TCF7: variants seen among roughly 807,000 people sequenced by gnomAD.
TCF7 encodes the protein T-cell-factor-7.
TCF7 carries 19 observed loss-of-function variants against 46.8 expected under a neutral mutation model. That is an observed-to-expected ratio of 0.41 (90% CI 0.28 to 0.60). TCF7 has a LOEUF of 0.60. Among genes scored for constraint, TCF7 ranks in the 20% least tolerant of loss-of-function variants. TCF7 has a pLI of 0.35. For synonymous variants in TCF7, 245 were observed against 213.4 expected (o/e 1.15, Z -1.29); for missense variants, 547 against 504.6 (o/e 1.08, Z -0.81).
At chr5:134,113,997 T>C (rs1456451937), upstream of TCF7, among the ~76,000 whole-genome samples, 2 of 152,154 alleles carry the variant, frequency 1.3e-5, no homozygotes, top group African/African-American at 4.8e-5. Context: ...ACTTGGAGGA[T>C]CGGCTGAGGT....
chr5:134,145,375 TACCAAAGGGC>T, intron 9 of TCF7: 1 of 549,772 alleles, frequency 1.8e-6, no homozygotes, highest in Non-Finnish European at 3.6e-6. Context: ...TACCTACTGA[TACCAAAGGGC>T]TGGAGAGGCT....
At chr5:134,110,724 C>T (rs1233265852), upstream of TCF7, among the ~76,000 whole-genome samples, 1 of 152,232 alleles carries the variant, frequency 6.6e-6, no homozygotes, top group Non-Finnish European at 1.5e-5. Flanking sequence ...CACAACCTCT[C>T]CTTGCTGTAA....
rs1760767873 is a variant in TCF7, at chr5:134,146,777, C to T, written c.*474C>T. The stretch of plus-strand genomic sequence containing the variant: ...GTACCTATGGCTGCCTGCATCTATT[C>T]TTTGTACCATCTGTCTTGCCAGCCA... On this transcript the variant is annotated 3_prime_UTR_variant, in exon 10 of 10. Coordinates refer to ENST00000342854, the MANE Select transcript of TCF7 (RefSeq NM_003202.5). 5 of 525,822 alleles carry T rather than the reference C, an allele frequency of 9.5e-6. No homozygotes were observed. In the East Asian group the frequency reaches 1.7e-4, roughly 18 times the overall value. The allele number at this position is 525,822 out of a possible 1,614,324, so 32.6% of individuals were successfully genotyped here.
intron 9 of TCF7, chr5:134,145,446 T>C: frequency 1.8e-6 from 1 of 563,886 alleles, no homozygotes. Context: ...AAAGGGCTCA[T>C]GTGTTTCACC....
intron 2 of TCF7, 113 bp downstream of exon 2, chr5:134,115,500 A>C (rs1295414551): frequency 6.7e-7 from 1 of 1,487,242 alleles, no homozygotes; most frequent in Non-Finnish European, 9.0e-7. Flanking sequence ...GCAGCTCAGG[A>C]GGCGGCAGAA....
At chr5:134,121,514 G>A (rs576106062) in intron 3 of TCF7, among the ~76,000 whole-genome samples, 9 of 151,570 alleles carry the variant, frequency 5.9e-5, no homozygotes, top group African/African-American at 9.7e-5. Flanking sequence ...GCTTGAACCC[G>A]GGAGGTGGAG....
chr5:134,145,023 A>G, intron 9 of TCF7: 1 of 689,024 alleles, frequency 1.5e-6, no homozygotes, highest in South Asian at 1.6e-5. Context: ...AATAGTAGTA[A>G]ATACTGAACA....
upstream of TCF7, among the ~76,000 whole-genome samples, chr5:134,109,770 C>CAAAAAAAAAAAAAAAAAAAAAAAAA (rs59510685): frequency 1.4e-5 from 2 of 140,318 alleles, no homozygotes; most frequent in African/African-American, 5.6e-5. Context: ...GGCTCCATCT[C>CAAAAAAAAAAAAAAAAAAAAAAAAA]AAAAAAAAAA....
chr5:134,143,732 C>A, intron 9 of TCF7, 92 bp downstream of exon 9: 1 of 1,504,700 alleles, frequency 6.6e-7, no homozygotes, highest in Non-Finnish European at 9.1e-7. Context: ...GAACGCGGTA[C>A]CCAGCTAGGA....
At chr5:134,112,800 A>G (rs1442776391), upstream of TCF7, among the ~76,000 whole-genome samples, 2 of 152,204 alleles carry the variant, frequency 1.3e-5, no homozygotes, top group Admixed American at 1.3e-4. Flanking sequence ...AACAAAACAA[A>G]ACAAAAAGAA....
chr5:134,133,553 G>C (rs541255808), intron 3 of TCF7, among the ~76,000 whole-genome samples: 34 of 152,314 alleles, frequency 2.2e-4, no homozygotes, highest in Non-Finnish European at 4.1e-4. Flanking sequence ...TCCACTGGGC[G>C]AGGGGGACAT....
At chr5:134,142,329 G>A in intron 6 of TCF7, 25 bp downstream of exon 6, 1 of 1,559,722 alleles carries the variant, frequency 6.4e-7, no homozygotes. Flanking sequence ...AATGATGGCA[G>A]GGGGTGTGTC....
chr5:134,139,051 C>T lies in TCF7; in HGVS notation c.635+13C>T. 6.2e-7 allele frequency: 1 copy of T among 1,613,314 alleles called. No homozygotes were observed. The highest frequency in any genetic ancestry group is 1.1e-5 in the South Asian group (1 of 91,034). Reference sequence around the variant, plus strand: ...ACACTGTGAGCTGGTGAGTGTGGGCCCAATGGGAAAGGGGTACCGTGTGCT... The same window carrying T: ...ACACTGTGAGCTGGTGAGTGTGGGCTCAATGGGAAAGGGGTACCGTGTGCT... On this transcript the variant is annotated intron_variant, in intron 5 of 9. Transcript: ENST00000342854.
chr5:134,143,091 G>C lies in TCF7; in HGVS notation c.1017G>C (p.Arg339=). ...AGCTATACCCAGGCTGGTCAGCGCG[G>C]GACAACTACGTGAGTGCCTAGTGAC... ...HMQLYPGWSA[R]DNYGKKKRRS... Residue 339 remains arginine (R), a synonymous_variant, in exon 8 of 10, where the codon CGG becomes CGC. Coordinates refer to ENST00000342854, the MANE Select transcript of TCF7 (RefSeq NM_003202.5). The C allele has an allele frequency of 6.2e-7, 1 of 1,603,940 alleles. No individual in the cohort carries two copies. The highest frequency in any genetic ancestry group is 8.5e-7 in the Non-Finnish European group (1 of 1,175,406).
chr5:134,134,098 T>A (rs1758523535), intron 3 of TCF7, among the ~76,000 whole-genome samples: 1 of 152,188 alleles, frequency 6.6e-6, no homozygotes, highest in African/African-American at 2.4e-5. Context: ...GTGGGTAGCT[T>A]CTCAGTAAAC....
chr5:134,146,714 A>C lies in TCF7; in HGVS notation c.*411A>C. 1 of 610,112 alleles carries C rather than the reference A, an allele frequency of 1.6e-6. No individual in the cohort carries two copies. Among genetic ancestry groups the C allele is most frequent in the African/African-American group, 1.8e-5 (1 of 54,076 alleles). The allele number at this position is 610,112 out of a possible 1,614,324, so 37.8% of individuals were successfully genotyped here. On this transcript the variant is annotated 3_prime_UTR_variant, in exon 10 of 10. Coordinates refer to ENST00000342854, the MANE Select transcript of TCF7 (RefSeq NM_003202.5). The stretch of plus-strand genomic sequence containing the variant: ...AACTGCTCCAAGTGGTGGGAATCAG[A>C]TCTGTCTTGATGTGTCATCTAATTA...
At chr5:134,131,338 T>C (rs997932472) in intron 3 of TCF7, among the ~76,000 whole-genome samples, 6 of 152,152 alleles carry the variant, frequency 3.9e-5, no homozygotes, top group Non-Finnish European at 4.4e-5. Flanking sequence ...CTCAAGTGGG[T>C]TGTCACACGT....
intron 3 of TCF7, among the ~76,000 whole-genome samples, chr5:134,128,000 T>C (rs1213390773): frequency 6.6e-6 from 1 of 152,196 alleles, no homozygotes; most frequent in African/African-American, 2.4e-5. Context: ...ACCTGGATGT[T>C]TTACAATGGA....
chr5:134,142,797 C>G lies in TCF7; in HGVS notation c.832C>G (p.Leu278Val). ...TIKKPLNAFM[L>V]YMKEMRAKVI... is the part of the protein sequence containing the mutation. ...CAAGAAGCCCCTCAATGCCTTCATGCTGTACATGAAGGAGATGAGAGCCAA... is the reference window on the plus strand; with the variant it reads ...CAAGAAGCCCCTCAATGCCTTCATGGTGTACATGAAGGAGATGAGAGCCAA... Residue 278 changes from leucine (L) to valine (V), a missense_variant, in exon 7 of 10, where the codon CTG becomes GTG. Around this residue, in one of 3 missense-constraint regions of TCF7, gnomAD observed 32 missense variants for 65.9 expected, o/e 0.49. Coordinates refer to ENST00000342854, the MANE Select transcript of TCF7 (RefSeq NM_003202.5). The G allele has an allele frequency of 1.2e-6, 2 of 1,614,138 alleles. No homozygotes were observed. Among genetic ancestry groups the G allele is most frequent in the Non-Finnish European group, 1.7e-6 (2 of 1,179,978 alleles).
Sources: gnomAD v4.1 joint callset for allele counts (sites outside exome capture counted in the v4.1 genomes callset) on GRCh38, gnomAD v4.1.1 for gene constraint, gnomAD v4.1.1 regional missense constraint, MANE v1.5 for transcripts, NCBI Gene and HGNC (gene_info 2026-07-23, HGNC 2026-07-21) for gene names.